CNTN5: variants seen among roughly 807,000 people sequenced by gnomAD.
CNTN5 encodes contactin-5.
Under a neutral mutation model 129.1 loss-of-function variants are expected in CNTN5, and 77 were observed. The observed-to-expected ratio is 0.60, with a 90% CI of 0.50 to 0.72. CNTN5 has a LOEUF of 0.72. Among genes scored for constraint, CNTN5 ranks in the 30% least tolerant of loss-of-function variants. The probability of loss-of-function intolerance (pLI) is 0.00; values close to 1 mark genes in which losing one functional copy is unlikely to be tolerated. For missense variants in CNTN5, 1,478 were observed against 1,328.8 expected (o/e 1.11, Z -1.75); for synonymous variants, 509 against 465.6 (o/e 1.09, Z -1.20).
intron 1 of CNTN5, among the ~76,000 whole-genome samples, chr11:99,233,927 C>T (rs1257218160): frequency 6.6e-6 from 1 of 151,790 alleles, no homozygotes; most frequent in Non-Finnish European, 1.5e-5. Context: ...GATTGAGCAG[C>T]AGAGCTAGAC....
chr11:100,286,141 T>G (rs1440418574), intron 18 of CNTN5, among the ~76,000 whole-genome samples: 1 of 152,058 alleles, frequency 6.6e-6, no homozygotes, highest in Non-Finnish European at 1.5e-5. Context: ...AGCACAGCAG[T>G]CTGAGATCAA....
At chr11:99,202,837 AT>A (rs1345797694) in intron 1 of CNTN5, among the ~76,000 whole-genome samples, 4 of 151,688 alleles carry the variant, frequency 2.6e-5, no homozygotes, top group Non-Finnish European at 1.5e-5. Context: ...ACTTCTAGGT[AT>A]TAAAATATTT....
At chr11:99,585,131 G>A (rs1346338437) in intron 3 of CNTN5, among the ~76,000 whole-genome samples, 1 of 152,166 alleles carries the variant, frequency 6.6e-6, no homozygotes, top group Non-Finnish European at 1.5e-5. Flanking sequence ...ATGGATAAAA[G>A]ATCTAATCTA....
chr11:99,975,254 G>A (rs1006406176), intron 8 of CNTN5, among the ~76,000 whole-genome samples: 1 of 152,200 alleles, frequency 6.6e-6, no homozygotes, highest in Admixed American at 6.5e-5. Flanking sequence ...TGCTCTGGAT[G>A]TGAGACATGG....
intron 3 of CNTN5, among the ~76,000 whole-genome samples, chr11:99,759,227 G>A (rs777886083): frequency 2.6e-5 from 4 of 151,940 alleles, no homozygotes; most frequent in Non-Finnish European, 5.9e-5. Context: ...CATCATGAGG[G>A]GAAGGTGTGT....
intron 6 of CNTN5, among the ~76,000 whole-genome samples, chr11:99,908,120 T>A (rs1433733491): frequency 6.6e-6 from 1 of 152,056 alleles, no homozygotes; most frequent in Non-Finnish European, 1.5e-5. Context: ...CAAGTGTTTT[T>A]GTTTTTTTAC....
intron 8 of CNTN5, among the ~76,000 whole-genome samples, chr11:99,998,011 G>A (rs12283223): frequency 1.1e-4 from 17 of 152,106 alleles, no homozygotes; most frequent in East Asian, 5.8e-4. Context: ...ATCTCAAAAT[G>A]ATAAGAGCTA....
At chr11:99,301,304 A>G (rs1023480511) in intron 1 of CNTN5, among the ~76,000 whole-genome samples, 1 of 130,048 alleles carries the variant, frequency 7.7e-6, no homozygotes, top group Non-Finnish European at 1.8e-5. Context: ...AGATTGACTG[A>G]ACTGAAAAAA....
At chr11:99,154,177 TG>T (rs1860218570) in intron 1 of CNTN5, among the ~76,000 whole-genome samples, 1 of 152,070 alleles carries the variant, frequency 6.6e-6, no homozygotes, top group Non-Finnish European at 1.5e-5. Flanking sequence ...TTTCCTGTGG[TG>T]GGGAAGCAGC....
At chr11:100,260,885 C>T (rs1950181185) in intron 17 of CNTN5, among the ~76,000 whole-genome samples, 1 of 152,130 alleles carries the variant, frequency 6.6e-6, no homozygotes, top group South Asian at 2.1e-4. Context: ...AAAACTGGCA[C>T]AAGACAAGGA....
At chr11:99,921,663 CA>C (rs1250001307) in intron 7 of CNTN5, among the ~76,000 whole-genome samples, 2 of 152,154 alleles carry the variant, frequency 1.3e-5, no homozygotes, top group Non-Finnish European at 2.9e-5. Context: ...GGTTACAATG[CA>C]AATTCTACTA....
At chr11:99,562,247 C>CT (rs1948866752) in intron 3 of CNTN5, among the ~76,000 whole-genome samples, 1 of 151,928 alleles carries the variant, frequency 6.6e-6, no homozygotes, top group Non-Finnish European at 1.5e-5. Flanking sequence ...CTTCCTTGCA[C>CT]TTTTTTTTCC....
intron 3 of CNTN5, among the ~76,000 whole-genome samples, chr11:99,693,345 C>T (rs1020881273): frequency 1.3e-5 from 2 of 151,832 alleles, no homozygotes; most frequent in Admixed American, 1.3e-4. Context: ...CTGTATGGAG[C>T]TTAGAGTTTG....
intron 13 of CNTN5, among the ~76,000 whole-genome samples, chr11:100,105,621 C>G (rs560676715): frequency 6.6e-6 from 1 of 152,240 alleles, no homozygotes; most frequent in South Asian, 2.1e-4. Flanking sequence ...CCACTGAGTC[C>G]CCTGTTGTTC....
At chr11:99,663,301 G>A (rs1591442582) in intron 3 of CNTN5, among the ~76,000 whole-genome samples, 2 of 152,020 alleles carry the variant, frequency 1.3e-5, no homozygotes, top group African/African-American at 2.4e-5. Flanking sequence ...AACCTTGTCT[G>A]TACTAAAAAT....
chr11:99,578,758 A>T (rs2135600701), intron 3 of CNTN5, among the ~76,000 whole-genome samples: 1 of 151,790 alleles, frequency 6.6e-6, no homozygotes. Flanking sequence ...GGTTGCAAAA[A>T]TTTTCTCCCA....
chr11:99,705,171 C>T (rs1290418739), intron 3 of CNTN5, among the ~76,000 whole-genome samples: 1 of 151,264 alleles, frequency 6.6e-6, no homozygotes, highest in African/African-American at 2.4e-5. Flanking sequence ...CTTATTCTGT[C>T]CTCTTTTCTA....
chr11:99,599,376 A>G (rs976805216), intron 3 of CNTN5, among the ~76,000 whole-genome samples: 1 of 152,160 alleles, frequency 6.6e-6, no homozygotes, highest in Admixed American at 6.5e-5. Flanking sequence ...TTAGCCATTT[A>G]GAAATGGATT....
At chr11:99,730,491 TA>T (rs1943494402) in intron 3 of CNTN5, among the ~76,000 whole-genome samples, 1 of 152,236 alleles carries the variant, frequency 6.6e-6, no homozygotes, top group Admixed American at 6.5e-5. Context: ...GGCTGCCGGT[TA>T]TCTACTATTA....
Sources: allele counts gnomAD v4.1 joint callset (sites outside exome capture counted in the v4.1 genomes callset), GRCh38; gene constraint gnomAD v4.1.1; transcripts MANE v1.5; gene names NCBI Gene and HGNC (gene_info 2026-07-23, HGNC 2026-07-21).